Variants in SYP observed in about 807,000 individuals in gnomAD.
SYP encodes major synaptic vesicle protein P38.
Under a neutral mutation model 24.3 loss-of-function variants are expected in SYP, and 2 were observed. The ratio of observed to expected loss-of-function variants is 0.08; its 90% CI spans 0.03 to 0.26. SYP has a LOEUF of 0.26. SYP is among the 10% of genes least tolerant of loss of function. SYP has a pLI of 1.00. For synonymous variants in SYP, 143 were observed against 123.2 expected (o/e 1.16, Z -1.07); for missense variants, 216 against 266.3 (o/e 0.81, Z 1.32).
intron 2 of SYP, chrX:49,198,759 G>A (rs1379965234): frequency 5.2e-6 from 2 of 386,355 alleles, no homozygotes; most frequent in South Asian, 3.6e-5. Context: ...ACTTCACAAC[G>A]GGGGTACCCT....
chrX:49,194,876 T>G (rs1321303770), intron 3 of SYP, among the ~76,000 whole-genome samples: 1 of 110,535 alleles, frequency 9.0e-6, no homozygotes, highest in Admixed American at 9.6e-5. Context: ...GCCCAGCTAA[T>G]TTTTGTACTT....
rs782567533 is a variant in SYP at position 49,194,752 on chromosome X, A to G, written c.228-391T>C. Among the ~76,000 whole-genome samples the G allele has an allele frequency of 2.8e-4, 23 of 81,297 alleles. No individual in the cohort carries two copies. The South Asian group carries it at 0.016, about 57-fold the overall frequency. 70.6% of individuals were successfully genotyped at this position (81,297 alleles called of 115,157 possible). On this transcript the variant is annotated intron_variant, in intron 3 of 6. Transcript: ENST00000263233. ...TGAGATGGAGTCTTGCTCTGTCACC[A>G]GGCTGGAGTGCGGTGGCACAATCCC... is the stretch of plus-strand genomic sequence containing the variant.
chrX:49,196,941 T>A (rs1490626888), intron 3 of SYP: 1 of 111,915 alleles, frequency 8.9e-6, no homozygotes, highest in African/African-American at 3.2e-5. Flanking sequence ...AGTCTGCTAT[T>A]ATCCTCTTTG....
intron 3 of SYP, among the ~76,000 whole-genome samples, chrX:49,195,296 G>T (rs2065525014): frequency 9.1e-6 from 1 of 110,016 alleles, no homozygotes; most frequent in Non-Finnish European, 1.9e-5. Context: ...AGACACTCAA[G>T]AAATGTTTAT....
intron 3 of SYP, 102 bp downstream of exon 3, chrX:49,197,613 G>C: frequency 9.1e-7 from 1 of 1,100,595 alleles, no homozygotes. Flanking sequence ...GTAGCCTCGA[G>C]GTGGGAGCTG....
chrX:49,192,807 C>G (rs2065514877), intron 5 of SYP, among the ~76,000 whole-genome samples: 1 of 111,921 alleles, frequency 8.9e-6, no homozygotes, highest in Non-Finnish European at 1.9e-5. Context: ...GGAGCAGGAC[C>G]TATTATTAGT....
chrX:49,198,256 C>T, intron 2 of SYP: 4 of 198,505 alleles, frequency 2.0e-5, no homozygotes, highest in Non-Finnish European at 3.7e-5. Context: ...TCTCTTTTTT[C>T]TCTGTCTGTG....
chrX:49,196,581 T>G (rs2065528884), intron 3 of SYP, among the ~76,000 whole-genome samples: 1 of 111,842 alleles, frequency 8.9e-6, no homozygotes, highest in Non-Finnish European at 1.9e-5. Flanking sequence ...CCCTGTGAGG[T>G]AGATATTATT....
intron 6 of SYP, 159 bp downstream of exon 6, chrX:49,191,274 C>T (rs1259061140): frequency 3.6e-6 from 2 of 563,353 alleles, no homozygotes; most frequent in African/African-American, 4.5e-5. Context: ...CAGCTCTTAG[C>T]AGGTAGTTCT....
intron 4 of SYP, among the ~76,000 whole-genome samples, chrX:49,193,808 A>G (rs1220353082): frequency 8.9e-6 from 1 of 111,951 alleles, no homozygotes; most frequent in African/African-American, 3.3e-5. Flanking sequence ...AGGGTATGTG[A>G]GTACAGTGGT....
At chrX:49,190,485 TCTTTCTTTCTTTTTTTCTTC>T (rs1243088246) in intron 6 of SYP, 12 of 56,135 alleles carry the variant, frequency 2.1e-4, no homozygotes, top group African/African-American at 6.0e-4. Flanking sequence ...TGGCCTCTTT[TCTTTCTTTCTTTTTTTCTTC>T]CTTTCTTTCT....
rs782599081 is a variant in SYP, at chrX:49,191,485, T to A, written c.894A>T (p.Gln298His). ...TGGGTGCACCCTGCGGGCCGTAGCC[T>A]TGCTGCCCATAGTCGCCCTGAGGCC... ...GYGPQGDYGQ[Q>H]GYGPQGAPTS... The change falls in exon 6 of 7, where the codon CAA becomes CAT. Residue 298 changes from glutamine to histidine, a missense_variant. Gln to His is a conservative substitution (Grantham distance 24). Transcript: ENST00000263233. 32 of 1,211,639 alleles carry A rather than the reference T, an allele frequency of 2.6e-5. No individual in the cohort carries two copies. Among genetic ancestry groups the A allele is most frequent in the Non-Finnish European group, 3.5e-5 (31 of 895,513 alleles).
chrX:49,197,641 G>C, intron 3 of SYP, 74 bp downstream of exon 3: 2 of 1,163,796 alleles, frequency 1.7e-6, no homozygotes, highest in Non-Finnish European at 2.3e-6. Context: ...GCTACTTGCG[G>C]GGGGAGGTAT....
chrX:49,198,135 C>T (rs782493785), intron 2 of SYP: 4 of 353,298 alleles, frequency 1.1e-5, no homozygotes, highest in South Asian at 4.3e-5. Context: ...CTGTTTCTCT[C>T]GGTATCTCTG....
At chrX:49,191,173 C>T (rs1232902956) in intron 6 of SYP, 4 of 418,205 alleles carry the variant, frequency 9.6e-6, no homozygotes, top group Non-Finnish European at 1.7e-5. Context: ...GCCTTTCCGC[C>T]GAGTTGCCCT....
chrX:49,193,221 G>A (rs373165557), intron 5 of SYP, 51 bp downstream of exon 5: 112 of 1,176,989 alleles, frequency 9.5e-5, no homozygotes, highest in Middle Eastern at 2.4e-4. Context: ...TCCCCATGCC[G>A]GACTGTACTG....
intron 6 of SYP, 55 bp downstream of exon 6, chrX:49,191,378 C>A: frequency 8.6e-7 from 1 of 1,163,600 alleles, no homozygotes; most frequent in East Asian, 3.1e-5. Context: ...GTTCACTGAC[C>A]CGCTCGTCTC....
chrX:49,191,411 G>A, intron 6 of SYP, 22 bp downstream of exon 6: 6 of 1,203,949 alleles, frequency 5.0e-6, no homozygotes, highest in Non-Finnish European at 6.7e-6. Context: ...CTCCTTGGCC[G>A]CACCGCTCGC....
chrX:49,190,241 G>A (rs782081304), intron 6 of SYP, among the ~76,000 whole-genome samples: 3 of 102,791 alleles, frequency 2.9e-5, no homozygotes, highest in East Asian at 3.2e-4. Flanking sequence ...GTGCAGTGGC[G>A]CAATCTCGAC....
Sources: allele counts gnomAD v4.1 joint callset (sites outside exome capture counted in the v4.1 genomes callset), GRCh38; gene constraint gnomAD v4.1.1; transcripts MANE v1.5; gene names NCBI Gene and HGNC (gene_info 2026-07-23, HGNC 2026-07-21).